PLXDC2: variants seen among roughly 807,000 people sequenced by gnomAD.
PLXDC2 encodes the protein plexin domain containing 2.
A neutral mutation model predicts 68.9 loss-of-function variants in PLXDC2; 40 were observed. The ratio of observed to expected loss-of-function variants is 0.58; its 90% CI spans 0.45 to 0.76. PLXDC2 has a LOEUF of 0.76. Ranked by LOEUF, PLXDC2 falls within the 30% of genes least tolerant of loss-of-function variation. The pLI is 0.00. For synonymous variants in PLXDC2, 243 were observed against 234.2 expected, an observed-to-expected ratio of 1.04 and a Z score of -0.34; for missense variants, 644 against 661.9, an observed-to-expected ratio of 0.97 and a Z score of 0.30.
chr10:20,240,909 C>A (rs1588537784), intron 12 of PLXDC2, among the ~76,000 whole-genome samples: 1 of 152,106 alleles, frequency 6.6e-6, no homozygotes, highest in Admixed American at 6.5e-5. Flanking sequence ...ATGACTTGCT[C>A]TGTTAGAACA....
chr10:19,829,219 T>G (rs1398090557), intron 1 of PLXDC2, among the ~76,000 whole-genome samples: 1 of 150,878 alleles, frequency 6.6e-6, no homozygotes, highest in Non-Finnish European at 1.5e-5. Flanking sequence ...CCTTGATGTC[T>G]TTATCGTTTC....
chr10:20,162,063 AGAGAGAGAGAAGGAAGGAAG>A (rs1486686328), intron 6 of PLXDC2, among the ~76,000 whole-genome samples: 124 of 70,578 alleles, frequency 1.8e-3, no homozygotes, highest in Non-Finnish European at 2.7e-3. Context: ...AGAGAGAGAG[AGAGAGAGAGAAGGAAGGAAG>A]GAAGGAAGGA....
At chr10:20,152,304 G>T (rs1387601494) in intron 6 of PLXDC2, among the ~76,000 whole-genome samples, 1 of 152,112 alleles carries the variant, frequency 6.6e-6, no homozygotes. Context: ...ATAATATTCA[G>T]TGTTTCTTCA....
intron 2 of PLXDC2, among the ~76,000 whole-genome samples, chr10:20,031,280 G>A (rs1019102879): frequency 1.3e-5 from 2 of 151,656 alleles, no homozygotes; most frequent in African/African-American, 2.4e-5. Context: ...TAAAGTAGGC[G>A]AGCCTCCTGA....
At chr10:19,850,260 C>T (rs1837088426) in intron 1 of PLXDC2, among the ~76,000 whole-genome samples, 1 of 149,134 alleles carries the variant, frequency 6.7e-6, no homozygotes, top group African/African-American at 2.5e-5. Context: ...GAGAAAACTG[C>T]ACCTGCCTAA....
At chr10:20,042,017 G>A (rs908786367) in intron 2 of PLXDC2, among the ~76,000 whole-genome samples, 1 of 152,106 alleles carries the variant, frequency 6.6e-6, no homozygotes, top group Non-Finnish European at 1.5e-5. Flanking sequence ...TTCCATTTAC[G>A]AATTTTAGCA....
intron 9 of PLXDC2, among the ~76,000 whole-genome samples, chr10:20,191,607 C>T (rs759518641): frequency 1.3e-5 from 2 of 149,826 alleles, no homozygotes; most frequent in Non-Finnish European, 3.0e-5. Flanking sequence ...ATCACAGGGG[C>T]CCTGGTGTGT....
intron 13 of PLXDC2, among the ~76,000 whole-genome samples, chr10:20,267,380 T>G (rs578193411): frequency 1.3e-5 from 2 of 152,264 alleles, no homozygotes; most frequent in East Asian, 3.9e-4. Flanking sequence ...GCCTTAGTGC[T>G]TAACAGAAGC....
At chr10:20,123,641 A>G (rs923526935) in intron 4 of PLXDC2, among the ~76,000 whole-genome samples, 1 of 151,996 alleles carries the variant, frequency 6.6e-6, no homozygotes, top group Non-Finnish European at 1.5e-5. Flanking sequence ...AAGGTTGCCC[A>G]TAGTGAAGGA....
intron 1 of PLXDC2, among the ~76,000 whole-genome samples, chr10:19,826,351 C>T (rs1227449197): frequency 6.6e-6 from 1 of 152,026 alleles, no homozygotes; most frequent in Admixed American, 6.6e-5. Flanking sequence ...TCATTTAGCC[C>T]TTTAATTTGC....
intron 4 of PLXDC2, among the ~76,000 whole-genome samples, chr10:20,128,005 T>A (rs776246589): frequency 2.0e-5 from 3 of 152,202 alleles, no homozygotes; most frequent in South Asian, 2.1e-4. Flanking sequence ...AAATGGGTTA[T>A]GTAGGCTCTG....
chr10:19,986,733 A>G (rs905887400), intron 1 of PLXDC2, among the ~76,000 whole-genome samples: 1 of 152,174 alleles, frequency 6.6e-6, no homozygotes, highest in South Asian at 2.1e-4. Flanking sequence ...CTTTATCCAC[A>G]TGCCATTCCT....
intron 1 of PLXDC2, among the ~76,000 whole-genome samples, chr10:20,000,800 C>T (rs1834922505): frequency 6.6e-6 from 1 of 152,132 alleles, no homozygotes; most frequent in Non-Finnish European, 1.5e-5. Flanking sequence ...AATTAAATCA[C>T]TGCTCCTTCT....
chr10:19,834,006 G>A (rs1564603427), intron 1 of PLXDC2, among the ~76,000 whole-genome samples: 1 of 149,520 alleles, frequency 6.7e-6, no homozygotes, highest in East Asian at 2.0e-4. Context: ...GTTGAGTCTA[G>A]CCCTAAACAT....
intron 4 of PLXDC2, among the ~76,000 whole-genome samples, chr10:20,113,019 A>G (rs1393876779): frequency 6.6e-6 from 1 of 152,208 alleles, no homozygotes; most frequent in Admixed American, 6.5e-5. Context: ...TCAGGTACAG[A>G]GATGCAAATT....
chr10:20,234,694 T>C (rs922231218), intron 12 of PLXDC2, among the ~76,000 whole-genome samples: 1 of 148,862 alleles, frequency 6.7e-6, no homozygotes, highest in Non-Finnish European at 1.5e-5. Context: ...TTTTTCCTGC[T>C]TCTTATTCTG....
chr10:20,162,042 AAGAGAGAGAGAGAG>A (rs139175193), intron 6 of PLXDC2, among the ~76,000 whole-genome samples: 819 of 72,400 alleles, frequency 0.011, 15 homozygotes, highest in African/African-American at 0.023. Flanking sequence ...GAAAGAAAGA[AAGAGAGAGAGAGAG>A]AGAGAGAGAG....
At chr10:20,239,142 T>A (rs560490038) in intron 12 of PLXDC2, among the ~76,000 whole-genome samples, 2 of 152,294 alleles carry the variant, frequency 1.3e-5, no homozygotes, top group East Asian at 3.9e-4. Context: ...TTTGAATTCT[T>A]CTGTGTGTTA....
At chr10:19,833,982 C>T (rs1341317421) in intron 1 of PLXDC2, among the ~76,000 whole-genome samples, 1 of 148,494 alleles carries the variant, frequency 6.7e-6, no homozygotes, top group Non-Finnish European at 1.5e-5. Flanking sequence ...TGTATGGAGG[C>T]CTTTAGTGTT....
Sources: allele counts gnomAD v4.1 joint callset (sites outside exome capture counted in the v4.1 genomes callset), GRCh38; gene constraint gnomAD v4.1.1; transcripts MANE v1.5; gene names NCBI Gene and HGNC (gene_info 2026-07-23, HGNC 2026-07-21).